DTNA: variants seen among roughly 807,000 people sequenced by gnomAD.
DTNA encodes dystrobrevin alpha, also known as dystrophin-related protein 3.
DTNA carries 43 observed loss-of-function variants against 100.7 expected under a neutral mutation model. The observed-to-expected ratio is 0.43, with a 90% CI of 0.33 to 0.55. The LOEUF is 0.55. DTNA is among the 20% of genes least tolerant of loss of function. The probability of loss-of-function intolerance (pLI) is 0.04; values close to 1 mark genes in which losing one functional copy is unlikely to be tolerated. For missense variants in DTNA, 798 were observed against 953.9 expected (o/e 0.84, Z 2.15); for synonymous variants, 349 against 347.9 (o/e 1.00, Z -0.04).
intron 1 of DTNA, among the ~76,000 whole-genome samples, chr18:34,676,478 C>A (rs1484580954): frequency 6.6e-6 from 1 of 152,080 alleles, no homozygotes; most frequent in East Asian, 1.9e-4. Context: ...ATTTTAATTT[C>A]TAGTCACAAG....
At chr18:34,619,198 G>GAATA (rs2055957773) in intron 1 of DTNA, among the ~76,000 whole-genome samples, 1 of 152,178 alleles carries the variant, frequency 6.6e-6, no homozygotes, top group African/African-American at 2.4e-5. Context: ...GTGTTGTAAT[G>GAATA]AGTGGTACAG....
chr18:34,829,317 A>G (rs984190826), intron 10 of DTNA, 83 bp from the exon 11 acceptor site: 2 of 1,526,408 alleles, frequency 1.3e-6, no homozygotes, highest in African/African-American at 2.7e-5. Context: ...AAAGCTGTGT[A>G]CACTAAATGT....
chr18:34,887,822 GCCCTGTGGCCA>G lies in DTNA; in HGVS notation c.*90_*100del. On this transcript the variant is annotated 3_prime_UTR_variant, in exon 23 of 23. Transcript: ENST00000444659. ...ACATGAAAACTGGTGATGATGGAGAGCCCTGTGGCCACACAGAGGAGGAAGACAGCAGCCTG... is the reference window on the plus strand; with the variant it reads ...ACATGAAAACTGGTGATGATGGAGAGCACAGAGGAGGAAGACAGCAGCCTG... 1 of 985,930 alleles carries G rather than the reference GCCCTGTGGCCA, an allele frequency of 1.0e-6. No homozygotes were observed. Among genetic ancestry groups the G allele is most frequent in the Non-Finnish European group, 1.2e-6 (1 of 829,982 alleles). The allele number at this position is 985,930 out of a possible 1,614,324, so 61.1% of individuals were successfully genotyped here.
Position 34,662,084 on chromosome 18 carries a change from C to T in DTNA, c.-1-93892C>T, listed in dbSNP as rs78154534. 3.1e-3 allele frequency among the ~76,000 whole-genome samples: 469 copies of T among 151,538 alleles called. 2 individuals are homozygous for T. Among genetic ancestry groups the T allele is most frequent in the African/African-American group, 0.011 (438 of 41,334 alleles). On this transcript the variant is annotated intron_variant, in intron 1 of 19. Transcript: ENST00000283365. ...TTCTAACACCGAGATTAAATGTAAGCTGTTACTTATTATCAAGCTTGCATC... is the reference window on the plus strand; with the variant it reads ...TTCTAACACCGAGATTAAATGTAAGTTGTTACTTATTATCAAGCTTGCATC...
At chr18:34,691,912 T>C (rs1036718462) in intron 1 of DTNA, among the ~76,000 whole-genome samples, 1 of 152,252 alleles carries the variant, frequency 6.6e-6, no homozygotes, top group African/African-American at 2.4e-5. Flanking sequence ...TTCTCATGGA[T>C]CATAGTTATG....
chr18:34,668,892 G>A (rs2076330308), intron 1 of DTNA, among the ~76,000 whole-genome samples: 1 of 152,020 alleles, frequency 6.6e-6, no homozygotes, highest in South Asian at 2.1e-4. Context: ...CTGAGAAGAA[G>A]GTATATTCTG....
At chr18:34,623,829 G>T (rs1009746243) in intron 1 of DTNA, among the ~76,000 whole-genome samples, 1 of 152,194 alleles carries the variant, frequency 6.6e-6, no homozygotes, top group African/African-American at 2.4e-5. Flanking sequence ...CATCAGTGTT[G>T]TTCTCTGAAA....
intron 8 of DTNA, chr18:34,818,781 G>C: frequency 2.2e-6 from 1 of 458,484 alleles, no homozygotes; most frequent in Non-Finnish European, 3.1e-6. Context: ...TGAGAGGAGA[G>C]TGTGGACTTA....
chr18:34,579,723 AAT>A (rs1363021536), intron 1 of DTNA, among the ~76,000 whole-genome samples: 1 of 152,112 alleles, frequency 6.6e-6, no homozygotes, highest in African/African-American at 2.4e-5. Flanking sequence ...CTTGTTTTTC[AAT>A]AGTTTAATCA....
chr18:34,512,126 C>G (rs1010839914), intron 1 of DTNA, among the ~76,000 whole-genome samples: 8 of 151,966 alleles, frequency 5.3e-5, no homozygotes, highest in Non-Finnish European at 1.0e-4. Context: ...TCCCAGAAGT[C>G]CCACTGGCTC....
rs369872450 is a variant in DTNA, at chr18:34,825,943, A to G, written c.1002-1650A>G. ...CCAAACTTTTCATAATTCACAGAGG[A>G]CATTTGTATAAAATTAGCATCCTTC... On this transcript the variant is annotated intron_variant, in intron 9 of 22. Coordinates refer to ENST00000444659, the MANE Select transcript of DTNA (RefSeq NM_001386795.1). 1.7e-3 allele frequency among the ~76,000 whole-genome samples: 254 copies of G among 152,320 alleles called. 5 individuals carry two copies. Among genetic ancestry groups the G allele is most frequent in the African/African-American group, 6.0e-3 (250 of 41,592 alleles).
chr18:34,713,394 G>T (rs1222904544), intron 1 of DTNA, among the ~76,000 whole-genome samples: 12 of 152,004 alleles, frequency 7.9e-5, no homozygotes, highest in Admixed American at 7.9e-4. Flanking sequence ...AAAATATCTT[G>T]GTTTTGTTCA....
intron 7 of DTNA, 125 bp downstream of exon 7, chr18:34,816,139 AG>A: frequency 1.1e-6 from 1 of 929,506 alleles, no homozygotes; most frequent in South Asian, 1.3e-5. Flanking sequence ...AGTTTTGTTT[AG>A]GGTAGAACTA....
At chr18:34,883,615 G>A (rs898826351) in intron 21 of DTNA, among the ~76,000 whole-genome samples, 1 of 151,954 alleles carries the variant, frequency 6.6e-6, no homozygotes, top group African/African-American at 2.4e-5. Context: ...CAGGCTTTCT[G>A]CATATTATTA....
At chr18:34,788,335 A>G (rs547631656) in intron 3 of DTNA, among the ~76,000 whole-genome samples, 1 of 152,364 alleles carries the variant, frequency 6.6e-6, no homozygotes, top group Admixed American at 6.5e-5. Flanking sequence ...AAATTTCTCA[A>G]TAACTAATGT....
intron 1 of DTNA, among the ~76,000 whole-genome samples, chr18:34,612,510 G>A (rs539483260): frequency 2.0e-4 from 30 of 152,258 alleles, no homozygotes; most frequent in African/African-American, 5.8e-4. Flanking sequence ...TACCCTCAGC[G>A]GAAGGGGCCC....
At chr18:34,802,506 T>C (rs1184075358) in intron 4 of DTNA, among the ~76,000 whole-genome samples, 2 of 152,200 alleles carry the variant, frequency 1.3e-5, no homozygotes, top group Non-Finnish European at 2.9e-5. Flanking sequence ...AATTTTTCCA[T>C]TTGGGATGTA....
chr18:34,797,532 G>A (rs1487182214), intron 4 of DTNA, among the ~76,000 whole-genome samples: 1 of 152,140 alleles, frequency 6.6e-6, no homozygotes, highest in Non-Finnish European at 1.5e-5. Flanking sequence ...CAAACTGGCA[G>A]CAGCTTCTTC....
chr18:34,541,185 C>G (rs1333850783), intron 1 of DTNA, among the ~76,000 whole-genome samples: 1 of 152,000 alleles, frequency 6.6e-6, no homozygotes, highest in Non-Finnish European at 1.5e-5. Context: ...AAACAAAATT[C>G]TACGTATGAT....
Sources: allele counts gnomAD v4.1 joint callset (sites outside exome capture counted in the v4.1 genomes callset), GRCh38; gene constraint gnomAD v4.1.1; transcripts MANE v1.5; gene names NCBI Gene and HGNC (gene_info 2026-07-23, HGNC 2026-07-21).